The following EXOC6B variants were observed in gnomAD, a reference collection of about 807,000 sequenced individuals.
EXOC6B encodes exocyst complex component 6B.
Under a neutral mutation model 113.5 loss-of-function variants are expected in EXOC6B, and 54 were observed. The ratio of observed to expected loss-of-function variants is 0.48; its 90% confidence interval spans 0.38 to 0.60. The LOEUF is 0.60. Among genes scored for constraint, EXOC6B ranks in the 20% least tolerant of loss-of-function variants. The pLI is 0.00. For missense variants in EXOC6B, 797 were observed against 977.5 expected (o/e 0.82, Z 2.46); for synonymous variants, 357 against 339.0 (o/e 1.05, Z -0.58).
chr2:72,823,468 A>C (rs1686699960), intron 1 of EXOC6B, among the ~76,000 whole-genome samples: 4 of 137,204 alleles, frequency 2.9e-5, no homozygotes, highest in South Asian at 2.2e-4. Context: ...AGAAAAAAAA[A>C]AAAAAAAAAA....
At chr2:72,232,966 G>A (rs866896019) in intron 20 of EXOC6B, among the ~76,000 whole-genome samples, 2 of 151,948 alleles carry the variant, frequency 1.3e-5, no homozygotes, top group African/African-American at 2.4e-5. Flanking sequence ...TAGGTACTTG[G>A]GGGGCTGAGG....
intron 1 of EXOC6B, among the ~76,000 whole-genome samples, chr2:72,774,721 CTGA>C (rs1166734431): frequency 6.6e-6 from 1 of 152,170 alleles, no homozygotes; most frequent in African/African-American, 2.4e-5. Context: ...TCTGACACTA[CTGA>C]TGTCTCACAA....
intron 6 of EXOC6B, among the ~76,000 whole-genome samples, chr2:72,713,700 T>C (rs934162430): frequency 3.3e-5 from 5 of 151,908 alleles, no homozygotes; most frequent in African/African-American, 1.2e-4. Context: ...AACAAAGTTC[T>C]AAATAGCAGC....
chr2:72,458,044 A>AT (rs1697356361), intron 18 of EXOC6B, among the ~76,000 whole-genome samples: 2 of 152,116 alleles, frequency 1.3e-5, no homozygotes, highest in African/African-American at 4.8e-5. Context: ...ATCCCTGAGA[A>AT]TTAAGAGAAA....
chr2:72,610,660 AAG>A (rs1242957671), intron 6 of EXOC6B, among the ~76,000 whole-genome samples: 2 of 152,192 alleles, frequency 1.3e-5, no homozygotes, highest in African/African-American at 4.8e-5. Context: ...ATAAATTAAT[AAG>A]AGGTGGGGTA....
chr2:72,513,380 C>T (rs1701049170), intron 10 of EXOC6B, 128 bp from the exon 11 acceptor site: 2 of 1,182,538 alleles, frequency 1.7e-6, no homozygotes, highest in Non-Finnish European at 1.2e-6. Flanking sequence ...CTTGAAGAAA[C>T]TTATTCAGTA....
intron 16 of EXOC6B, among the ~76,000 whole-genome samples, chr2:72,483,315 T>G (rs969578089): frequency 6.6e-6 from 1 of 152,146 alleles, no homozygotes; most frequent in African/African-American, 2.4e-5. Context: ...ACTGAAAAAT[T>G]TCTATTTTAA....
intron 18 of EXOC6B, chr2:72,461,363 A>C (rs1339662814): frequency 6.6e-6 from 1 of 151,888 alleles, no homozygotes; most frequent in African/African-American, 2.4e-5. Flanking sequence ...TATTAAAAAA[A>C]AAAAAAGAAA....
chr2:72,429,320 C>T (rs1047498799), intron 18 of EXOC6B, among the ~76,000 whole-genome samples: 1 of 152,138 alleles, frequency 6.6e-6, no homozygotes, highest in African/African-American at 2.4e-5. Context: ...ATAACTGAAA[C>T]ATTTTTTAAG....
intron 6 of EXOC6B, among the ~76,000 whole-genome samples, chr2:72,602,625 G>C (rs1038195022): frequency 3.3e-5 from 5 of 152,224 alleles, no homozygotes; most frequent in Admixed American, 1.3e-4. Context: ...AACAATTTGT[G>C]AGTTCATGTC....
At chr2:72,374,191 T>C (rs764690469) in intron 19 of EXOC6B, among the ~76,000 whole-genome samples, 1 of 152,176 alleles carries the variant, frequency 6.6e-6, no homozygotes, top group Non-Finnish European at 1.5e-5. Context: ...TTTATTCAAA[T>C]GAAAGAAAAT....
chr2:72,718,081 C>T (rs1410505351), intron 6 of EXOC6B, 22 bp downstream of exon 6: 1 of 1,573,118 alleles, frequency 6.4e-7, no homozygotes, highest in East Asian at 2.3e-5. Flanking sequence ...ACTGGCCAAC[C>T]TATCATAAAC....
intron 19 of EXOC6B, among the ~76,000 whole-genome samples, chr2:72,347,675 T>C (rs1689416213): frequency 6.6e-6 from 1 of 152,170 alleles, no homozygotes; most frequent in African/African-American, 2.4e-5. Context: ...TTGAAATTAT[T>C]GAGATATTTT....
At chr2:72,362,323 T>C (rs2104987732) in intron 19 of EXOC6B, among the ~76,000 whole-genome samples, 1 of 152,300 alleles carries the variant, frequency 6.6e-6, no homozygotes, top group Non-Finnish European at 1.5e-5. Context: ...TTGGTTTAAT[T>C]ATATTTTTAA....
chr2:72,470,796 CTCA>C (rs1352803967), intron 17 of EXOC6B, among the ~76,000 whole-genome samples: 2 of 124,564 alleles, frequency 1.6e-5, no homozygotes, highest in Middle Eastern at 3.5e-3. Flanking sequence ...AGGACATGAA[CTCA>C]TCATATTTTA....
chr2:72,399,875 T>C (rs1190448978), intron 18 of EXOC6B, among the ~76,000 whole-genome samples: 1 of 152,182 alleles, frequency 6.6e-6, no homozygotes, highest in Non-Finnish European at 1.5e-5. Context: ...ATCTACAGAT[T>C]CAATGCAATT....
At chr2:72,418,188 T>C (rs962952810) in intron 18 of EXOC6B, among the ~76,000 whole-genome samples, 4 of 152,218 alleles carry the variant, frequency 2.6e-5, no homozygotes, top group African/African-American at 7.2e-5. Flanking sequence ...ATTTAAAAGA[T>C]GTAATTCAGT....
intron 1 of EXOC6B, among the ~76,000 whole-genome samples, chr2:72,809,505 T>C (rs879343079): frequency 6.6e-6 from 1 of 151,678 alleles, no homozygotes; most frequent in Non-Finnish European, 1.5e-5. Context: ...TACAATGAAA[T>C]GATCAACCCA....
intron 7 of EXOC6B, among the ~76,000 whole-genome samples, chr2:72,568,863 T>C (rs1704351046): frequency 6.6e-6 from 1 of 150,854 alleles, no homozygotes; most frequent in African/African-American, 2.5e-5. Flanking sequence ...TCAATGAGAA[T>C]ATAAAAGAGA....
Sources: allele counts gnomAD v4.1 joint callset (sites outside exome capture counted in the v4.1 genomes callset), GRCh38; gene constraint gnomAD v4.1.1; transcripts MANE v1.5; gene names NCBI Gene and HGNC (gene_info 2026-07-23, HGNC 2026-07-21).